TBC1D22A: variants seen among roughly 807,000 people sequenced by gnomAD.
TBC1D22A encodes the protein TBC1 domain family member 22A, also known as putative GTPase activator.
TBC1D22A carries 38 observed loss-of-function variants against 60.2 expected under a neutral mutation model. The ratio of observed to expected loss-of-function variants is 0.63; its 90% CI spans 0.49 to 0.83. The LOEUF (loss-of-function observed/expected upper bound fraction) is 0.83. TBC1D22A is among the 40% of genes least tolerant of loss of function. The pLI is 0.00. For missense variants in TBC1D22A, 628 were observed against 701.0 expected (o/e 0.90, Z 1.18); for synonymous variants, 302 against 281.7 (o/e 1.07, Z -0.72).
intron 10 of TBC1D22A, among the ~76,000 whole-genome samples, chr22:47,015,054 G>A (rs1343382330): frequency 6.6e-6 from 1 of 152,260 alleles, no homozygotes; most frequent in Non-Finnish European, 1.5e-5. Flanking sequence ...TGTAACTCGT[G>A]TACATGGCCC....
At chr22:46,945,568 T>C (rs952481498) in intron 8 of TBC1D22A, among the ~76,000 whole-genome samples, 8 of 152,128 alleles carry the variant, frequency 5.3e-5, no homozygotes, top group African/African-American at 9.7e-5. Flanking sequence ...CATTTCTCGT[T>C]ATGGGGAAAG....
In TBC1D22A at chr22:47,157,775, T is replaced by A. The variant is rs543420454; in HGVS notation, c.1426-15723T>A. Among the ~76,000 whole-genome samples the A allele has an allele frequency of 3.9e-5, 6 of 152,294 alleles. No homozygotes were observed. The East Asian group carries it at 7.7e-4, about 20-fold the overall frequency. Reference sequence around the variant, plus strand: ...GGGCTGGGTAGGGCCGGTGCCCAGATGGTGGCCCAGGACAGTGGGGATCTG... The same window carrying A: ...GGGCTGGGTAGGGCCGGTGCCCAGAAGGTGGCCCAGGACAGTGGGGATCTG... On this transcript the variant is annotated intron_variant, in intron 12 of 12. Transcript: ENST00000337137.
At chr22:47,007,417 G>T (rs1434081595) in intron 10 of TBC1D22A, among the ~76,000 whole-genome samples, 1 of 152,244 alleles carries the variant, frequency 6.6e-6, no homozygotes, top group South Asian at 2.1e-4. Flanking sequence ...CAGGTGCATT[G>T]TAAGAGCACA....
At chr22:46,833,858 G>A (rs543039498) in intron 4 of TBC1D22A, among the ~76,000 whole-genome samples, 5 of 152,332 alleles carry the variant, frequency 3.3e-5, no homozygotes, top group South Asian at 4.1e-4. Context: ...AAACAAAGGC[G>A]TTTTTGTGGG....
intron 4 of TBC1D22A, among the ~76,000 whole-genome samples, chr22:46,877,770 TAAAGG>T (rs1305739615): frequency 3.3e-5 from 5 of 152,238 alleles, no homozygotes; most frequent in African/African-American, 4.8e-5. Flanking sequence ...ATTCCTAACT[TAAAGG>T]AAAGAAATAA....
At chr22:47,078,239 C>T (rs2064309279) in intron 11 of TBC1D22A, among the ~76,000 whole-genome samples, 1 of 152,046 alleles carries the variant, frequency 6.6e-6, no homozygotes, top group Non-Finnish European at 1.5e-5. Context: ...AGCCTGCTCT[C>T]CTGGCTCTGA....
rs2085774328 is a variant in TBC1D22A at position 46,820,347 on chromosome 22, T to C, written c.637+22727T>C. On this transcript the variant is annotated intron_variant, in intron 4 of 12. Transcript: ENST00000337137. ...TGTTAGGGCGTCGATTTGAGATCTTTCTGGCTTTCTAATGTGGGCATTTAG... is the reference window on the plus strand; with the variant it reads ...TGTTAGGGCGTCGATTTGAGATCTTCCTGGCTTTCTAATGTGGGCATTTAG... Among the ~76,000 whole-genome samples the C allele has an allele frequency of 2.0e-5, 3 of 152,346 alleles. No individual in the cohort carries two copies. The South Asian group carries it at 6.2e-4, about 32-fold the overall frequency.
At chr22:46,904,142 T>TCTATCTATCTACCTACCTAC (rs57116517) in intron 7 of TBC1D22A, among the ~76,000 whole-genome samples, 9 of 134,572 alleles carry the variant, frequency 6.7e-5, no homozygotes, top group South Asian at 4.8e-4. Flanking sequence ...TATCTATCTA[T>TCTATCTATCTACCTACCTAC]CTACCTACCT....
chr22:46,870,124 T>C (rs2067235847), intron 4 of TBC1D22A, among the ~76,000 whole-genome samples: 1 of 152,238 alleles, frequency 6.6e-6, no homozygotes. Flanking sequence ...GTAAAAATTA[T>C]GTGACTTAAG....
At chr22:46,992,705 A>G (rs570524321) in intron 9 of TBC1D22A, among the ~76,000 whole-genome samples, 2 of 152,280 alleles carry the variant, frequency 1.3e-5, no homozygotes, top group Admixed American at 1.3e-4. Context: ...CTTCCGCTGG[A>G]CTGATGCGTT....
chr22:47,119,968 C>G (rs28513199), intron 12 of TBC1D22A, among the ~76,000 whole-genome samples: 4 of 152,130 alleles, frequency 2.6e-5, no homozygotes, highest in Non-Finnish European at 5.9e-5. Context: ...GCCTCCTTCA[C>G]GGCACCCATC....
At chr22:47,148,711 C>T (rs539175241) in intron 12 of TBC1D22A, among the ~76,000 whole-genome samples, 1 of 150,190 alleles carries the variant, frequency 6.7e-6, no homozygotes, top group African/African-American at 2.5e-5. Context: ...CTCCTGGGGT[C>T]CCTCCCTCCC....
intron 4 of TBC1D22A, among the ~76,000 whole-genome samples, chr22:46,861,343 T>C (rs368346232): frequency 6.6e-6 from 1 of 152,366 alleles, no homozygotes; most frequent in African/African-American, 2.4e-5. Flanking sequence ...TTCATTCCTT[T>C]TAAAACATTC....
chr22:46,931,358 T>C (rs1439898245), intron 8 of TBC1D22A, among the ~76,000 whole-genome samples: 4 of 152,234 alleles, frequency 2.6e-5, no homozygotes, highest in African/African-American at 9.6e-5. Flanking sequence ...TCATTTTCTT[T>C]TTTAAAAAAT....
At chr22:46,991,760 C>G (rs2074949251) in intron 9 of TBC1D22A, among the ~76,000 whole-genome samples, 1 of 152,224 alleles carries the variant, frequency 6.6e-6, no homozygotes, top group Non-Finnish European at 1.5e-5. Context: ...ACCGCTGACT[C>G]CGACGTGGCC....
chr22:47,112,334 A>G (rs1156469003), intron 12 of TBC1D22A, among the ~76,000 whole-genome samples: 4 of 152,214 alleles, frequency 2.6e-5, no homozygotes, highest in Admixed American at 2.0e-4. Context: ...GCAGCAAGGA[A>G]GACCCCAGCA....
chr22:46,825,392 C>T (rs1006251467), intron 4 of TBC1D22A, among the ~76,000 whole-genome samples: 1 of 152,182 alleles, frequency 6.6e-6, no homozygotes, highest in African/African-American at 2.4e-5. Context: ...GCCCGTCTCC[C>T]TTTACCAGGA....
At position 47,173,521 on chromosome 22, in the gene TBC1D22A, C is replaced by T. The variant is rs1268846658; in HGVS notation, c.1449C>T (p.Asn483=). 7 of 1,614,168 alleles carry T rather than the reference C, an allele frequency of 4.3e-6. No homozygotes were observed. Among genetic ancestry groups the T allele is most frequent in the Non-Finnish European group, 5.9e-6 (7 of 1,180,014 alleles). Reference sequence around the variant, plus strand: ...AGGAGCTGCTGCTCTTCCTCCAGAACCTGCCCACAGCCCACTGGGATGATG... The same window carrying T: ...AGGAGCTGCTGCTCTTCCTCCAGAATCTGCCCACAGCCCACTGGGATGATG... ...DFQELLLFLQ[N]LPTAHWDDED... The change falls in exon 13 of 13, where the codon AAC becomes AAT. Residue 483 remains asparagine, a synonymous_variant. Coordinates refer to ENST00000337137, the MANE Select transcript of TBC1D22A (RefSeq NM_014346.5).
intron 1 of TBC1D22A, among the ~76,000 whole-genome samples, chr22:46,779,130 C>T (rs545706673): frequency 5.9e-5 from 9 of 152,300 alleles, no homozygotes; most frequent in Middle Eastern, 3.4e-3. Flanking sequence ...TCAAGTATTA[C>T]GTACAGTACA....
Sources: gnomAD v4.1 joint callset for allele counts (sites outside exome capture counted in the v4.1 genomes callset) on GRCh38, gnomAD v4.1.1 for gene constraint, MANE v1.5 for transcripts, NCBI Gene and HGNC (gene_info 2026-07-23, HGNC 2026-07-21) for gene names.